DPYD: variants seen among roughly 807,000 people sequenced by gnomAD.
The protein encoded by DPYD is dihydropyrimidine dehydrogenase [NADP(+)].
A neutral mutation model predicts 116.2 loss-of-function variants in DPYD; 109 were observed. The ratio of observed to expected loss-of-function variants is 0.94; its 90% confidence interval spans 0.80 to 1.10. DPYD has a LOEUF of 1.10. Among genes scored for constraint, DPYD ranks in the 50% least tolerant of loss-of-function variants. The probability of loss-of-function intolerance (pLI) is 0.00; values close to 1 mark genes in which losing one functional copy is unlikely to be tolerated. For synonymous variants in DPYD, 440 were observed against 432.0 expected (o/e 1.02, Z -0.23); for missense variants, 1,302 against 1,254.5 (o/e 1.04, Z -0.57).
At chr1:97,826,904 G>A (rs1266845579) in intron 3 of DPYD, among the ~76,000 whole-genome samples, 1 of 151,808 alleles carries the variant, frequency 6.6e-6, no homozygotes, top group African/African-American at 2.4e-5. Context: ...TCTCATACTA[G>A]TAATATATTA....
chr1:97,386,327 T>A (rs779077979), intron 14 of DPYD, among the ~76,000 whole-genome samples: 2 of 151,878 alleles, frequency 1.3e-5, no homozygotes, highest in Non-Finnish European at 2.9e-5. Flanking sequence ...ATGAAGTTTA[T>A]TCAGAGCTGC....
In DPYD at chr1:97,740,391, C is replaced by T. The variant is rs746368304; in HGVS notation, c.321+1G>A. On this transcript the variant is annotated splice_donor_variant, in intron 4 of 22. Coordinates refer to ENST00000370192, the MANE Select transcript of DPYD (RefSeq NM_000110.4). LOFTEE classifies it high-confidence loss of function. ...ATTTGCAGAGTTAAATCTGAATTTA[C>T]CTTGTTTGCAATACTTGTGATGAAT... 6.2e-6 allele frequency: 10 copies of T among 1,608,564 alleles called. No individual in the cohort carries two copies. Among genetic ancestry groups the T allele is most frequent in the Non-Finnish European group, 7.7e-6 (9 of 1,175,508 alleles).
chr1:97,752,894 A>G (rs1665011647), intron 3 of DPYD, among the ~76,000 whole-genome samples: 1 of 152,200 alleles, frequency 6.6e-6, no homozygotes, highest in South Asian at 2.1e-4. Context: ...AGGTTAGTCT[A>G]CTTGGAAATA....
At chr1:97,228,566 T>G (rs1661350082) in intron 19 of DPYD, among the ~76,000 whole-genome samples, 1 of 152,124 alleles carries the variant, frequency 6.6e-6, no homozygotes. Flanking sequence ...ATGAGAAAAA[T>G]CAGAATCAAA....
chr1:97,668,261 T>C (rs914073208), intron 8 of DPYD, among the ~76,000 whole-genome samples: 4 of 152,144 alleles, frequency 2.6e-5, no homozygotes, highest in Admixed American at 1.3e-4. Flanking sequence ...GCCAACTTAA[T>C]GTATTAGCCA....
At chr1:97,813,862 T>A (rs1668443248) in intron 3 of DPYD, among the ~76,000 whole-genome samples, 1 of 151,806 alleles carries the variant, frequency 6.6e-6, no homozygotes, top group Non-Finnish European at 1.5e-5. Flanking sequence ...AATATGTGCA[T>A]AAAGTGTACT....
At chr1:97,154,919 TTAAAAA>T (rs1655328139) in intron 20 of DPYD, among the ~76,000 whole-genome samples, 1 of 151,938 alleles carries the variant, frequency 6.6e-6, no homozygotes, top group Non-Finnish European at 1.5e-5. Flanking sequence ...AAAAAATAAA[TTAAAAA>T]TAAAAACAAA....
chr1:97,530,111 G>A (rs1173561909), intron 12 of DPYD, among the ~76,000 whole-genome samples: 1 of 151,320 alleles, frequency 6.6e-6, no homozygotes, highest in Non-Finnish European at 1.5e-5. Flanking sequence ...CATTTGGCAT[G>A]TCTTCCCGGT....
chr1:97,417,582 A>G (rs1674352321), intron 14 of DPYD, among the ~76,000 whole-genome samples: 1 of 152,240 alleles, frequency 6.6e-6, no homozygotes, highest in Non-Finnish European at 1.5e-5. Flanking sequence ...TACACATAGT[A>G]AGCAAAAATT....
At chr1:97,745,917 T>A (rs1664526140) in intron 3 of DPYD, among the ~76,000 whole-genome samples, 5 of 152,142 alleles carry the variant, frequency 3.3e-5, no homozygotes, top group Admixed American at 1.3e-4. Context: ...GCCAGAGTAA[T>A]TTGAAGACTG....
At position 97,264,320 on chromosome 1, in the gene DPYD, G is replaced by A. The variant is rs555724179; in HGVS notation, c.2300-29326C>T. On this transcript the variant is annotated intron_variant, in intron 18 of 22. Transcript: ENST00000370192. Reference sequence around the variant, plus strand: ...TGGGATTATAGGCACACGCCACCATGCCTGGCTAGTATTTTTTTGTTTTAT... The same window carrying A: ...TGGGATTATAGGCACACGCCACCATACCTGGCTAGTATTTTTTTGTTTTAT... Among the ~76,000 whole-genome samples, 91 of 151,476 alleles carry A rather than the reference G, an allele frequency of 6.0e-4. No homozygotes were observed. The South Asian group carries it at 0.011, about 19-fold the overall frequency.
chr1:97,256,609 T>C (rs760201543), intron 18 of DPYD, among the ~76,000 whole-genome samples: 8 of 152,104 alleles, frequency 5.3e-5, no homozygotes, highest in South Asian at 2.1e-4. Flanking sequence ...TCCCCAGCCA[T>C]GTGGAACTGT....
intron 8 of DPYD, among the ~76,000 whole-genome samples, chr1:97,596,055 T>C (rs1041621474): frequency 6.6e-6 from 1 of 151,990 alleles, no homozygotes; most frequent in Non-Finnish European, 1.5e-5. Flanking sequence ...AAAGGTTTAA[T>C]GCACAAAAAT....
intron 14 of DPYD, among the ~76,000 whole-genome samples, chr1:97,422,124 A>T (rs1039749354): frequency 6.6e-6 from 1 of 152,104 alleles, no homozygotes; most frequent in Non-Finnish European, 1.5e-5. Flanking sequence ...AAAAGCAAAG[A>T]CCTAACAATC....
chr1:97,506,820 C>A (rs761191538), intron 13 of DPYD, among the ~76,000 whole-genome samples: 4 of 151,922 alleles, frequency 2.6e-5, no homozygotes, highest in Non-Finnish European at 5.9e-5. Context: ...ACTTAATATT[C>A]GAAATACATG....
intron 13 of DPYD, among the ~76,000 whole-genome samples, chr1:97,484,969 A>G (rs541362565): frequency 6.6e-6 from 1 of 152,132 alleles, no homozygotes; most frequent in East Asian, 1.9e-4. Context: ...TCCTTAAGCC[A>G]TCTCTTTTCT....
At chr1:97,498,408 T>C (rs142837658) in intron 13 of DPYD, among the ~76,000 whole-genome samples, 14 of 151,858 alleles carry the variant, frequency 9.2e-5, no homozygotes, top group Admixed American at 6.6e-5. Context: ...ATTACAGGGA[T>C]AAAGCTTTCC....
At chr1:97,580,674 C>T (rs1381486878) in intron 10 of DPYD, among the ~76,000 whole-genome samples, 1 of 152,222 alleles carries the variant, frequency 6.6e-6, no homozygotes, top group East Asian at 1.9e-4. Flanking sequence ...TAGCAATAAC[C>T]CTGCTAAGTC....
chr1:97,595,229 A>C, intron 8 of DPYD, 63 bp from the exon 9 acceptor site: 1 of 1,346,922 alleles, frequency 7.4e-7, no homozygotes, highest in Non-Finnish European at 1.1e-6. Flanking sequence ...TTAGATATTA[A>C]AACAAAAAAG....
Sources: gnomAD v4.1 joint callset for allele counts (sites outside exome capture counted in the v4.1 genomes callset) on GRCh38, gnomAD v4.1.1 for gene constraint, MANE v1.5 for transcripts, NCBI Gene and HGNC (gene_info 2026-07-23, HGNC 2026-07-21) for gene names.